Variants in TNRC6A observed in about 807,000 individuals in gnomAD.
TNRC6A encodes the protein trinucleotide repeat containing adaptor 6A.
Under a neutral mutation model 221.2 loss-of-function variants are expected in TNRC6A, and 44 were observed. The ratio of observed to expected loss-of-function variants is 0.20; its 90% CI spans 0.16 to 0.26. The LOEUF (loss-of-function observed/expected upper bound fraction) is 0.26, where lower values mean the gene tolerates loss of function less well. Among genes scored for constraint, TNRC6A ranks in the 10% least tolerant of loss-of-function variants. The pLI, the probability that TNRC6A is intolerant of heterozygous loss-of-function variation, is 1.00. For missense variants in TNRC6A, 2,199 were observed against 2,404.4 expected, an observed-to-expected ratio of 0.91 and a Z score of 1.79; for synonymous variants, 847 against 838.5, an observed-to-expected ratio of 1.01 and a Z score of -0.18.
chr16:24,669,404 A>G (rs1040726883), intron 2 of TNRC6A, among the ~76,000 whole-genome samples: 2 of 151,924 alleles, frequency 1.3e-5, no homozygotes, highest in African/African-American at 4.8e-5. Flanking sequence ...TGGGAGGATC[A>G]CTTGAGCCCA....
At chr16:24,733,159 G>C (rs867691791) in intron 2 of TNRC6A, among the ~76,000 whole-genome samples, 1 of 152,142 alleles carries the variant, frequency 6.6e-6, no homozygotes, top group Admixed American at 6.5e-5. Context: ...GGAGAGCCGA[G>C]ATTGTGCCAC....
At chr16:24,746,893 G>C (rs763622150) in intron 2 of TNRC6A, among the ~76,000 whole-genome samples, 11 of 152,178 alleles carry the variant, frequency 7.2e-5, no homozygotes, top group Non-Finnish European at 1.2e-4. Context: ...CCTTGAAATA[G>C]AGACAGACTC....
At chr16:24,749,919 C>T (rs2057098549) in intron 2 of TNRC6A, among the ~76,000 whole-genome samples, 2 of 152,150 alleles carry the variant, frequency 1.3e-5, no homozygotes, top group African/African-American at 2.4e-5. Flanking sequence ...GTGGGCAGAT[C>T]ACTTGAGGTC....
At chr16:24,778,523 T>C (rs1018788475) in intron 5 of TNRC6A, 29 of 979,524 alleles carry the variant, frequency 3.0e-5, no homozygotes, top group Non-Finnish European at 3.5e-5. Flanking sequence ...ATTTAAGTCA[T>C]TGTCCTGAGT....
intron 2 of TNRC6A, among the ~76,000 whole-genome samples, chr16:24,730,708 A>G (rs918172280): frequency 1.4e-5 from 2 of 139,138 alleles, no homozygotes; most frequent in African/African-American, 2.7e-5. Flanking sequence ...TGTTGCTTTT[A>G]TAAAAAGATA....
chr16:24,771,587 A>ATGTTATGTTATGTTG (rs1567449500), intron 4 of TNRC6A, among the ~76,000 whole-genome samples: 1 of 142,588 alleles, frequency 7.0e-6, no homozygotes, highest in East Asian at 2.1e-4. Flanking sequence ...TTATGTTGTT[A>ATGTTATGTTATGTTG]TGTTATGTTA....
intron 4 of TNRC6A, among the ~76,000 whole-genome samples, chr16:24,767,843 A>G (rs2057506126): frequency 6.6e-6 from 1 of 152,132 alleles, no homozygotes; most frequent in Admixed American, 6.5e-5. Flanking sequence ...TTCTACTTGA[A>G]TGTTCAGGTA....
rs140566943 is a variant in TNRC6A, at chr16:24,766,733, A to G, written c.163+8373A>G. Among the ~76,000 whole-genome samples the G allele has an allele frequency of 2.3e-3, 327 of 143,026 alleles. 1 individual carries two copies. Among genetic ancestry groups the G allele is most frequent in the African/African-American group, 8.0e-3 (306 of 38,198 alleles). 93.8% of individuals were successfully genotyped at this position (143,026 alleles called of 152,430 possible). A position where few individuals can be genotyped will look rare whatever the true frequency, so the allele number is the denominator to read the frequency against. ...ACTCTGTCGCCCACGCTGGAGTGCA[A>G]TGGCGCGATCTCAGCTCACTGCAAC... On this transcript the variant is annotated intron_variant, in intron 4 of 24. Transcript: ENST00000395799.
intron 5 of TNRC6A, among the ~76,000 whole-genome samples, chr16:24,786,380 C>T (rs902159462): frequency 1.3e-5 from 2 of 151,780 alleles, no homozygotes; most frequent in African/African-American, 4.8e-5. Flanking sequence ...GGCTGGAGTG[C>T]AGTGGCACGA....
At chr16:24,612,280 C>G (rs1251585203) in intron 1 of TNRC6A, among the ~76,000 whole-genome samples, 1 of 152,052 alleles carries the variant, frequency 6.6e-6, no homozygotes, top group African/African-American at 2.4e-5. Flanking sequence ...CCGAGTGACT[C>G]GATGACAGGG....
intron 2 of TNRC6A, among the ~76,000 whole-genome samples, chr16:24,744,717 C>G (rs2151327297): frequency 6.6e-6 from 1 of 152,284 alleles, no homozygotes; most frequent in Middle Eastern, 3.4e-3. Flanking sequence ...GACATGCCAG[C>G]TAAAGCTAAG....
At chr16:24,641,478 G>A (rs1408003705) in intron 2 of TNRC6A, among the ~76,000 whole-genome samples, 4 of 152,138 alleles carry the variant, frequency 2.6e-5, no homozygotes, top group Admixed American at 6.5e-5. Flanking sequence ...TGCTGGATCC[G>A]TATGGCATCA....
intron 5 of TNRC6A, 64 bp from the exon 6 acceptor site, chr16:24,789,168 A>T (rs1441949893): frequency 1.4e-6 from 2 of 1,453,844 alleles, no homozygotes; most frequent in African/African-American, 1.4e-5. Context: ...TTTTTCTTAG[A>T]TTTTAGTATC....
chr16:24,625,553 G>A (rs1900920429), intron 1 of TNRC6A, among the ~76,000 whole-genome samples: 1 of 151,868 alleles, frequency 6.6e-6, no homozygotes, highest in African/African-American at 2.4e-5. Flanking sequence ...GTGAAACCCC[G>A]TCTCTACTAA....
Position 24,791,657 on chromosome 16 carries a change from T to G in TNRC6A, c.3015T>G (p.Thr1005=). The G allele has an allele frequency of 6.2e-7, 1 of 1,612,720 alleles. No homozygotes were observed. The highest frequency in any genetic ancestry group is 8.5e-7 in the Non-Finnish European group (1 of 1,179,662). Residue 1005 remains threonine, a synonymous_variant, in exon 6 of 25, where the codon ACT becomes ACG. Coordinates refer to ENST00000395799, the MANE Select transcript of TNRC6A (RefSeq NM_014494.4). ...GCAAAATGGAGATTGATGATGGAAC[T>G]TCAGCTTGGGGAGATCCAAGCAAAT... ...IRRKMEIDDG[T]SAWGDPSKYN...
chr16:24,752,029 T>C (rs1248800708), intron 3 of TNRC6A, among the ~76,000 whole-genome samples: 1 of 152,180 alleles, frequency 6.6e-6, no homozygotes, highest in Non-Finnish European at 1.5e-5. Flanking sequence ...GGTAGAACTC[T>C]GAAGAGTTGA....
chr16:24,730,232 G>A (rs775852906), intron 1 of TNRC6A, 21 bp from the exon 2 acceptor site: 3 of 1,572,616 alleles, frequency 1.9e-6, no homozygotes, highest in Non-Finnish European at 1.7e-6. Flanking sequence ...TTTTGTTTTT[G>A]TTTTTGTTTT....
intron 2 of TNRC6A, among the ~76,000 whole-genome samples, chr16:24,731,596 TAAAG>T (rs946847748): frequency 1.3e-5 from 2 of 152,188 alleles, no homozygotes; most frequent in African/African-American, 4.8e-5. Flanking sequence ...ATGAAACCAT[TAAAG>T]AAAACAGGTT....
At chr16:24,737,122 G>T (rs1025211064) in intron 2 of TNRC6A, among the ~76,000 whole-genome samples, 6 of 152,108 alleles carry the variant, frequency 3.9e-5, no homozygotes, top group Non-Finnish European at 7.3e-5. Flanking sequence ...TTATGAAGTG[G>T]TTTGCAAAAT....
Sources: allele counts gnomAD v4.1 joint callset (sites outside exome capture counted in the v4.1 genomes callset), GRCh38; gene constraint gnomAD v4.1.1; transcripts MANE v1.5; gene names NCBI Gene and HGNC (gene_info 2026-07-23, HGNC 2026-07-21).